Variants in STARD13 observed in about 807,000 individuals in gnomAD.
The protein encoded by STARD13 is stAR-related lipid transfer protein 13.
STARD13 carries 62 observed loss-of-function variants against 106.4 expected under a neutral mutation model. That is an observed-to-expected ratio of 0.58 (90% CI 0.48 to 0.72). The LOEUF (loss-of-function observed/expected upper bound fraction) is 0.72. Among genes scored for constraint, STARD13 ranks in the 30% least tolerant of loss-of-function variants. STARD13 has a pLI of 0.00. For missense variants in STARD13, 1,387 were observed against 1,424.0 expected (o/e 0.97, Z 0.42); for synonymous variants, 565 against 553.0 (o/e 1.02, Z -0.31).
the STARD13 span, among the ~76,000 whole-genome samples, chr13:33,439,509 A>C: frequency 6.6e-6 from 1 of 152,230 alleles, no homozygotes; most frequent in African/African-American, 2.4e-5. Context: ...GAGAAAACCC[A>C]ATGAACTTTT....
chr13:33,344,451 A>C (rs2077997288), downstream of STARD13, among the ~76,000 whole-genome samples: 1 of 152,264 alleles, frequency 6.6e-6, no homozygotes, highest in Non-Finnish European at 1.5e-5. Context: ...TGAAAAGAAT[A>C]GTTGAGTATC....
chr13:33,335,550 G>A (rs2077886168), intron 1 of STARD13, among the ~76,000 whole-genome samples: 2 of 152,220 alleles, frequency 1.3e-5, no homozygotes, highest in Admixed American at 6.5e-5. Context: ...CAAGTAGTGG[G>A]TATGTGCCTT....
rs752305077 is a variant in STARD13 at position 33,129,527 on chromosome 13, T to A, written c.1150A>T (p.Met384Leu). 2.5e-6 allele frequency: 4 copies of A among 1,614,216 alleles called. No homozygotes were observed. The highest frequency in any genetic ancestry group is 3.4e-6 in the Non-Finnish European group (4 of 1,180,030). The change falls in exon 5 of 14, where the codon ATG becomes TTG. Residue 384 changes from methionine (M) to leucine (L), a missense_variant. By Grantham distance (15) the Met-to-Leu change is conservative (BLOSUM62 2). Transcript: ENST00000336934. Reference protein sequence around the residue: ...ALPDAGDQSRMHEFHSQENLV... With the variant: ...ALPDAGDQSRLHEFHSQENLV... Reference sequence around the variant, plus strand: ...TTCTCTTGGGAGTGAAATTCATGCATACGGCTTTGGTCCCCTGCATCCGGC... The same window carrying A: ...TTCTCTTGGGAGTGAAATTCATGCAAACGGCTTTGGTCCCCTGCATCCGGC...
the STARD13 span, among the ~76,000 whole-genome samples, chr13:33,386,899 G>A: frequency 6.6e-6 from 1 of 152,032 alleles, no homozygotes; most frequent in African/African-American, 2.4e-5. Context: ...AAATTTCGAG[G>A]TGGCTGATGG....
the STARD13 span, among the ~76,000 whole-genome samples, chr13:33,471,198 T>C: frequency 6.6e-6 from 1 of 152,200 alleles, no homozygotes; most frequent in African/African-American, 2.4e-5. Context: ...TATTAAGATA[T>C]GTATAAGATT....
chr13:33,615,176 C>A, the STARD13 span, among the ~76,000 whole-genome samples: 2 of 152,122 alleles, frequency 1.3e-5, no homozygotes, highest in Admixed American at 6.5e-5. Context: ...TCCGCAAAAA[C>A]CCCTGTGTTT....
At chr13:33,508,620 A>T in the STARD13 span, among the ~76,000 whole-genome samples, 1 of 152,184 alleles carries the variant, frequency 6.6e-6, no homozygotes, top group African/African-American at 2.4e-5. Flanking sequence ...CAGTTCTTAA[A>T]ATGTGACACT....
At chr13:33,389,501 C>G in the STARD13 span, among the ~76,000 whole-genome samples, 2 of 152,040 alleles carry the variant, frequency 1.3e-5, no homozygotes, top group Non-Finnish European at 2.9e-5. Flanking sequence ...TGCATCCTCT[C>G]CATCATCTAC....
At chr13:33,354,794 GT>G (rs1185835500), upstream of STARD13, among the ~76,000 whole-genome samples, 2 of 151,290 alleles carry the variant, frequency 1.3e-5, no homozygotes, top group South Asian at 2.1e-4. Flanking sequence ...GATAATTATA[GT>G]TTTTTAAACA....
chr13:33,413,996 G>A, the STARD13 span, among the ~76,000 whole-genome samples: 1 of 139,308 alleles, frequency 7.2e-6, no homozygotes, highest in African/African-American at 2.8e-5. Flanking sequence ...TTGAACCACT[G>A]CACTCCAGCC....
At chr13:33,472,110 T>A in the STARD13 span, among the ~76,000 whole-genome samples, 2 of 152,086 alleles carry the variant, frequency 1.3e-5, no homozygotes, top group Admixed American at 1.3e-4. Flanking sequence ...ATTTAAAAAA[T>A]TTGCTTTTCA....
At chr13:33,539,954 A>G in the STARD13 span, among the ~76,000 whole-genome samples, 1 of 152,378 alleles carries the variant, frequency 6.6e-6, no homozygotes, top group East Asian at 1.9e-4. Flanking sequence ...TAGTATGTAA[A>G]TAACTCCTAC....
In STARD13 at chr13:33,126,215, T is replaced by C; in HGVS notation, c.1948A>G (p.Met650Val). ...TTGTCTTTGTAGTCGGGAACTTTCATCCTCTTCATGAACTTTGGAACTGAC... is the reference window on the plus strand; with the variant it reads ...TTGTCTTTGTAGTCGGGAACTTTCACCCTCTTCATGAACTTTGGAACTGAC... ...TWSVPKFMKRMKVPDYKDKAV... is the reference protein window; with the variant it reads ...TWSVPKFMKRVKVPDYKDKAV... Residue 650 changes from methionine (M) to valine (V), a missense_variant, in exon 7 of 14, where the codon ATG (methionine) becomes GTG (valine). Coordinates refer to ENST00000336934, the MANE Select transcript of STARD13 (RefSeq NM_178006.4). 6.2e-7 allele frequency: 1 copy of C among 1,614,128 alleles called. No individual in the cohort carries two copies. Among genetic ancestry groups the C allele is most frequent in the Non-Finnish European group, 8.5e-7 (1 of 1,180,026 alleles).
the STARD13 span, among the ~76,000 whole-genome samples, chr13:33,365,573 G>A: frequency 1.3e-5 from 2 of 152,180 alleles, no homozygotes; most frequent in Non-Finnish European, 2.9e-5. Flanking sequence ...GCAGCCAAGA[G>A]TGAACACAAG....
At chr13:33,178,225 A>G (rs972299147) in intron 1 of STARD13, among the ~76,000 whole-genome samples, 1 of 152,192 alleles carries the variant, frequency 6.6e-6, no homozygotes, top group Non-Finnish European at 1.5e-5. Context: ...ATGCATTTTG[A>G]ACATCTTTTT....
At chr13:33,522,664 C>T in the STARD13 span, among the ~76,000 whole-genome samples, 2 of 152,112 alleles carry the variant, frequency 1.3e-5, no homozygotes, top group East Asian at 3.9e-4. Flanking sequence ...CCTTATTTCC[C>T]TTGGTAATAT....
At position 33,110,954 on chromosome 13, in the gene STARD13, C is replaced by T. The variant is rs543357309; in HGVS notation, c.2608-47G>A. ...AGGGCAACACACTGAGCCAAAGAAA[C>T]GCCGAGACTCAAAGAAAGCAAAGCC... is the stretch of plus-strand genomic sequence containing the variant. On this transcript the variant is annotated intron_variant, in intron 10 of 13. Coordinates refer to ENST00000336934, the MANE Select transcript of STARD13 (RefSeq NM_178006.4). 81 of 1,537,812 alleles carry T rather than the reference C, an allele frequency of 5.3e-5. No homozygotes were observed. The Admixed American group carries it at 7.1e-4, about 13-fold the overall frequency.
chr13:33,200,931 C>T (rs757869840), intron 1 of STARD13, among the ~76,000 whole-genome samples: 2 of 151,802 alleles, frequency 1.3e-5, no homozygotes, highest in Non-Finnish European at 2.9e-5. Context: ...GAGGCTGAGG[C>T]GGGAGAATGG....
chr13:33,113,371 G>A (rs1428842361), intron 8 of STARD13, among the ~76,000 whole-genome samples: 1 of 152,138 alleles, frequency 6.6e-6, no homozygotes, highest in Non-Finnish European at 1.5e-5. Context: ...GTGGGACATG[G>A]TTTGAAAACC....
Sources: allele counts gnomAD v4.1 joint callset (sites outside exome capture counted in the v4.1 genomes callset), GRCh38; gene constraint gnomAD v4.1.1; transcripts MANE v1.5; gene names NCBI Gene and HGNC (gene_info 2026-07-23, HGNC 2026-07-21).